The following RIMBP2 variants were observed in gnomAD, a reference collection of about 807,000 sequenced individuals.
RIMBP2 encodes RIMS-binding protein 2.
A neutral mutation model predicts 118.6 loss-of-function variants in RIMBP2; 48 were observed. That is an observed-to-expected ratio of 0.40 (90% confidence interval 0.32 to 0.51). The LOEUF is 0.51. Ranked by LOEUF, RIMBP2 falls within the 20% of genes least tolerant of loss-of-function variation. The probability of loss-of-function intolerance (pLI) is 0.41; values close to 1 mark genes in which losing one functional copy is unlikely to be tolerated. For missense variants in RIMBP2, 1,551 were observed against 1,768.3 expected, an observed-to-expected ratio of 0.88 and a Z score of 2.20; for synonymous variants, 762 against 742.9, an observed-to-expected ratio of 1.03 and a Z score of -0.42.
chr12:130,620,002 G>A lies in RIMBP2; in HGVS notation c.-217+8320C>T, dbSNP rs2061201701. Among the ~76,000 whole-genome samples the A allele has an allele frequency of 6.6e-6, 1 of 152,152 alleles. No homozygotes were observed. Among genetic ancestry groups the A allele is most frequent in the Non-Finnish European group, 1.5e-5 (1 of 68,022 alleles). The stretch of plus-strand genomic sequence containing the variant: ...GGTGTGCGACGCTGTGCTGAAATCT[G>A]CCCCCTGACACATGGTGTGCAGACT... On this transcript the variant is annotated intron_variant, in intron 2 of 22. Coordinates refer to ENST00000690449, the MANE Select transcript of RIMBP2 (RefSeq NM_001393629.1). This position sits in a 1 kb window ranked among gnomAD's most constrained non-coding sequence, Gnocchi z 5.3.
chr12:130,710,562 G>T lies in RIMBP2; in HGVS notation c.-352+5660C>A, dbSNP rs1949841826. Among the ~76,000 whole-genome samples the T allele has an allele frequency of 6.6e-6, 1 of 152,176 alleles. No homozygotes were observed. Among genetic ancestry groups the T allele is most frequent in the African/African-American group, 2.4e-5 (1 of 41,420 alleles). On this transcript the variant is annotated intron_variant, in intron 1 of 22. Transcript: ENST00000690449. The surrounding 1 kb of genome is among the most constrained non-coding windows in gnomAD (Gnocchi z 4.3). ...TAAAATGTGAGTCAGTATTTAGCAG[G>T]TGCTTAAAGGTTTGCTGAATGAATA... is the stretch of plus-strand genomic sequence containing the variant.
chr12:130,613,203 T>G (rs1343124759), intron 2 of RIMBP2, among the ~76,000 whole-genome samples: 6 of 152,152 alleles, frequency 3.9e-5, no homozygotes, highest in Non-Finnish European at 4.4e-5. Flanking sequence ...GAGGGAGAGT[T>G]GACAGCAGTG....
At chr12:130,425,120 TCCAG>T (rs1326951990) in intron 15 of RIMBP2, 8 of 350,514 alleles carry the variant, frequency 2.3e-5, no homozygotes, top group Non-Finnish European at 3.1e-5. Flanking sequence ...GCGCCATGCA[TCCAG>T]CCAAGGAGAG....
chr12:130,682,657 G>T (rs2064849577), intron 1 of RIMBP2, among the ~76,000 whole-genome samples: 1 of 152,248 alleles, frequency 6.6e-6, no homozygotes, highest in Non-Finnish European at 1.5e-5. Context: ...TGCGTGCAGT[G>T]GTGGGCAGAC....
Position 130,442,357 on chromosome 12 carries a change from A to G in RIMBP2, c.995T>C (p.Val332Ala). 6.2e-7 allele frequency: 1 copy of G among 1,614,200 alleles called. No individual in the cohort carries two copies. Among genetic ancestry groups the G allele is most frequent in the Non-Finnish European group, 8.5e-7 (1 of 1,180,038 alleles). Reference sequence around the variant, plus strand: ...TGGCACCGCCGGGGGCTCCCAGCCCACAATAACACTTTTGGCGAGTTGTTT... The same window carrying G: ...TGGCACCGCCGGGGGCTCCCAGCCCGCAATAACACTTTTGGCGAGTTGTTT... ...LIKQLAKSVI[V>A]GWEPPAVPPG... The change falls in exon 11 of 23, where the codon GTG becomes GCG. Residue 332 changes from valine to alanine, a missense_variant. Val to Ala is a moderately conservative substitution (Grantham distance 64, BLOSUM62 0). Coordinates refer to ENST00000690449, the MANE Select transcript of RIMBP2 (RefSeq NM_001393629.1). This position sits in a 1 kb window ranked among gnomAD's most constrained non-coding sequence, Gnocchi z 6.9.
chr12:130,567,965 C>T (rs899261979), intron 2 of RIMBP2, among the ~76,000 whole-genome samples: 8 of 152,126 alleles, frequency 5.3e-5, no homozygotes, highest in African/African-American at 1.9e-4. Context: ...TTGGAGCCAT[C>T]CCACGAACAT....
intron 2 of RIMBP2, among the ~76,000 whole-genome samples, chr12:130,601,955 C>G (rs2059904621): frequency 1.3e-5 from 2 of 152,130 alleles, no homozygotes; most frequent in African/African-American, 4.8e-5. Flanking sequence ...TATCACACCC[C>G]CTGCAGCCTC....
At chr12:130,607,849 G>A (rs938394704) in intron 2 of RIMBP2, among the ~76,000 whole-genome samples, 1 of 152,016 alleles carries the variant, frequency 6.6e-6, no homozygotes, top group East Asian at 1.9e-4. Context: ...TCTGTGTTGG[G>A]TGCAAGCATC....
intron 1 of RIMBP2, among the ~76,000 whole-genome samples, chr12:130,637,595 T>C (rs966206818): frequency 1.3e-5 from 2 of 152,188 alleles, no homozygotes; most frequent in African/African-American, 4.8e-5. Context: ...AATCCTAAAA[T>C]TAATGAAGAT....
intron 4 of RIMBP2, among the ~76,000 whole-genome samples, chr12:130,484,249 C>A (rs1052842636): frequency 6.6e-6 from 1 of 152,180 alleles, no homozygotes; most frequent in African/African-American, 2.4e-5. Context: ...CTCCTGATGC[C>A]GCTGCCACCA....
Position 130,653,044 on chromosome 12 carries a change from A to G in RIMBP2, c.-351-24588T>C, listed in dbSNP as rs576803711. 2.4e-3 allele frequency among the ~76,000 whole-genome samples: 366 copies of G among 152,302 alleles called. 2 individuals are homozygous for G. The highest frequency in any genetic ancestry group is 7.9e-3 in the African/African-American group (329 of 41,568). Reference sequence around the variant, plus strand: ...AGGGGGCCAACATCCCAACCGTATCATTCTGCCCCTGGTCCCCCAAATCTC... The same window carrying G: ...AGGGGGCCAACATCCCAACCGTATCGTTCTGCCCCTGGTCCCCCAAATCTC... On this transcript the variant is annotated intron_variant, in intron 1 of 22. Transcript: ENST00000690449.
chr12:130,650,958 T>A (rs11613978), intron 1 of RIMBP2, among the ~76,000 whole-genome samples: 14,800 of 125,288 alleles, frequency 0.12, 1,018 homozygotes, highest in Non-Finnish European at 0.16. Flanking sequence ...TTGTTTTTTT[T>A]AAAAAAAAAA....
At chr12:130,500,124 T>C (rs2049597409) in intron 4 of RIMBP2, among the ~76,000 whole-genome samples, 2 of 152,100 alleles carry the variant, frequency 1.3e-5, no homozygotes, top group South Asian at 4.1e-4. Context: ...CAAGTGAAAA[T>C]TACTTGGCAG....
chr12:130,414,421 T>C, intron 17 of RIMBP2, 115 bp from the exon 18 acceptor site: 2 of 1,055,054 alleles, frequency 1.9e-6, no homozygotes, highest in South Asian at 1.6e-5. Flanking sequence ...GACTTTTGTC[T>C]TTTTTGTGTC....
At chr12:130,509,445 C>A (rs1043134657) in intron 3 of RIMBP2, among the ~76,000 whole-genome samples, 3 of 152,196 alleles carry the variant, frequency 2.0e-5, no homozygotes, top group Admixed American at 6.5e-5. Flanking sequence ...AGAGCCTGTA[C>A]CTGGTCTACC....
At chr12:130,453,472 T>C (rs2079163200) in intron 7 of RIMBP2, among the ~76,000 whole-genome samples, 1 of 152,188 alleles carries the variant, frequency 6.6e-6, no homozygotes. Context: ...AAAATACAGA[T>C]TTGAACACAA....
chr12:130,664,637 C>A (rs2063841824), intron 1 of RIMBP2, among the ~76,000 whole-genome samples: 1 of 151,574 alleles, frequency 6.6e-6, no homozygotes, highest in Non-Finnish European at 1.5e-5. Context: ...GCTAACTCTA[C>A]AGCTATGTCA....
intron 22 of RIMBP2, among the ~76,000 whole-genome samples, chr12:130,399,454 C>T (rs2074317893): frequency 6.6e-6 from 1 of 152,022 alleles, no homozygotes; most frequent in East Asian, 1.9e-4. Context: ...TGAGTAAAGG[C>T]AGATTGATTG....
At chr12:130,436,815 C>T in intron 13 of RIMBP2, 27 bp downstream of exon 13, 1 of 1,370,848 alleles carries the variant, frequency 7.3e-7, no homozygotes, top group Non-Finnish European at 9.4e-7. Flanking sequence ...GACTGAGGAG[C>T]CACCGAGGCG....
Sources: allele counts gnomAD v4.1 joint callset (sites outside exome capture counted in the v4.1 genomes callset), GRCh38; gene constraint gnomAD v4.1.1; non-coding constraint Gnocchi (gnomAD v3.1); transcripts MANE v1.5; gene names NCBI Gene and HGNC (gene_info 2026-07-23, HGNC 2026-07-21).